Variants in TNFSF4 observed in about 807,000 individuals in gnomAD.
TNFSF4 encodes tumor necrosis factor ligand superfamily member 4.
A neutral mutation model predicts 7.3 loss-of-function variants in TNFSF4; 4 were observed. That is an observed-to-expected ratio of 0.55 (90% CI 0.27 to 1.25). TNFSF4 has a LOEUF of 1.25. Among genes scored for constraint, TNFSF4 ranks in the 50% most tolerant of loss-of-function variants. TNFSF4 has a pLI of 0.12. For synonymous variants in TNFSF4, 76 were observed against 83.7 expected, an observed-to-expected ratio of 0.91 and a Z score of 0.50; for missense variants, 181 against 208.8, an observed-to-expected ratio of 0.87 and a Z score of 0.82.
chr1:173,434,662 A>C, the TNFSF4 span, among the ~76,000 whole-genome samples: 2 of 152,194 alleles, frequency 1.3e-5, no homozygotes, highest in Non-Finnish European at 2.9e-5. Context: ...AAAGTGTGCA[A>C]GGTATTCGAT....
At chr1:173,330,093 A>G in the TNFSF4 span, among the ~76,000 whole-genome samples, 6 of 152,300 alleles carry the variant, frequency 3.9e-5, no homozygotes, top group African/African-American at 1.4e-4. Context: ...AATTAAAAAC[A>G]CAAAAAATAA....
At chr1:173,303,318 C>G in the TNFSF4 span, among the ~76,000 whole-genome samples, 19 of 151,976 alleles carry the variant, frequency 1.3e-4, no homozygotes, top group Admixed American at 4.6e-4. Flanking sequence ...AAGGAATGTG[C>G]TTATTAAGGC....
At chr1:173,408,828 G>A in the TNFSF4 span, among the ~76,000 whole-genome samples, 2 of 152,140 alleles carry the variant, frequency 1.3e-5, no homozygotes, top group Non-Finnish European at 1.5e-5. Context: ...GGCCTAAAGT[G>A]ATCCACCCTC....
chr1:173,418,527 T>C, the TNFSF4 span: 1 of 152,008 alleles, frequency 6.6e-6, no homozygotes, highest in Non-Finnish European at 1.5e-5. Context: ...CTTTCATTAG[T>C]CATTTCACTG....
At chr1:173,366,389 C>A in the TNFSF4 span, among the ~76,000 whole-genome samples, 1 of 152,036 alleles carries the variant, frequency 6.6e-6, no homozygotes, top group African/African-American at 2.4e-5. Context: ...CATGTTCTCA[C>A]TTATCTGTGG....
the TNFSF4 span, among the ~76,000 whole-genome samples, chr1:173,370,022 A>G: frequency 1.3e-5 from 2 of 152,032 alleles, no homozygotes; most frequent in Non-Finnish European, 2.9e-5. Flanking sequence ...GGGACCACAG[A>G]AAACCCTGGG....
chr1:173,241,512 TAAAAGAGA>T, the TNFSF4 span, among the ~76,000 whole-genome samples: 1 of 152,138 alleles, frequency 6.6e-6, no homozygotes, highest in Non-Finnish European at 1.5e-5. Context: ...ACAGCATTAG[TAAAAGAGA>T]AAGTCTGCAC....
chr1:173,307,443 G>C, the TNFSF4 span, among the ~76,000 whole-genome samples: 2 of 151,954 alleles, frequency 1.3e-5, no homozygotes, highest in Admixed American at 6.6e-5. Context: ...AACCATTACA[G>C]ATTAAAGAAA....
the TNFSF4 span, among the ~76,000 whole-genome samples, chr1:173,337,036 T>C: frequency 6.6e-6 from 1 of 152,056 alleles, no homozygotes; most frequent in Non-Finnish European, 1.5e-5. Flanking sequence ...CTGCAGTAAA[T>C]CCAGGCTAAT....
chr1:173,199,489 A>G (rs563446869), intron 1 of TNFSF4, among the ~76,000 whole-genome samples: 2 of 152,318 alleles, frequency 1.3e-5, no homozygotes, highest in East Asian at 3.9e-4. Flanking sequence ...GTGAATATAG[A>G]GGCAGAGCTT....
the TNFSF4 span, among the ~76,000 whole-genome samples, chr1:173,442,697 C>G: frequency 1.3e-5 from 2 of 151,578 alleles, no homozygotes; most frequent in African/African-American, 2.4e-5. Flanking sequence ...ATTACAGGCA[C>G]CCGCCACCAT....
the TNFSF4 span, among the ~76,000 whole-genome samples, chr1:173,377,043 G>T: frequency 6.6e-6 from 1 of 152,150 alleles, no homozygotes; most frequent in Non-Finnish European, 1.5e-5. Flanking sequence ...GGACACATCT[G>T]AACATCTGAA....
the TNFSF4 span, among the ~76,000 whole-genome samples, chr1:173,422,326 G>GAAAAAA: frequency 1.1e-5 from 1 of 89,042 alleles, no homozygotes; most frequent in African/African-American, 4.7e-5. Flanking sequence ...TGCCCAGAGT[G>GAAAAAA]AAAAAAAAAA....
At chr1:173,321,376 TAGAAGAAAA>T in the TNFSF4 span, among the ~76,000 whole-genome samples, 5 of 152,080 alleles carry the variant, frequency 3.3e-5, no homozygotes, top group Non-Finnish European at 5.9e-5. Context: ...CTAAAAACCC[TAGAAGAAAA>T]CCTAGGCAAT....
intron 1 of TNFSF4, chr1:173,205,665 C>T (rs141582532): frequency 1.5e-3 from 1,325 of 888,506 alleles, no homozygotes; most frequent in Non-Finnish European, 1.7e-3. Flanking sequence ...TTTGGTTACT[C>T]TCTTTGTTTT....
the TNFSF4 span, among the ~76,000 whole-genome samples, chr1:173,399,785 C>G: frequency 6.6e-6 from 1 of 152,158 alleles, no homozygotes; most frequent in African/African-American, 2.4e-5. Context: ...ACAAGGTGGC[C>G]ATGGTGGCAG....
At chr1:173,173,863 C>T in the TNFSF4 span, among the ~76,000 whole-genome samples, 3 of 152,198 alleles carry the variant, frequency 2.0e-5, no homozygotes, top group Non-Finnish European at 2.9e-5. Context: ...GGGGCTGCCA[C>T]GAAGGTCTCC....
chr1:173,422,582 A>C, the TNFSF4 span, among the ~76,000 whole-genome samples: 4 of 152,174 alleles, frequency 2.6e-5, no homozygotes, highest in Admixed American at 6.5e-5. Context: ...TCACAGAGTG[A>C]GACCTCAGCT....
At chr1:173,373,619 A>G in the TNFSF4 span, among the ~76,000 whole-genome samples, 4 of 152,194 alleles carry the variant, frequency 2.6e-5, no homozygotes, top group Non-Finnish European at 4.4e-5. Flanking sequence ...CCATCCAATA[A>G]GTAATCAAAG....
Sources: gnomAD v4.1 joint callset for allele counts (sites outside exome capture counted in the v4.1 genomes callset) on GRCh38, gnomAD v4.1.1 for gene constraint, MANE v1.5 for transcripts, NCBI Gene and HGNC (gene_info 2026-07-23, HGNC 2026-07-21) for gene names.